Variants in ZFAT observed in about 807,000 individuals in gnomAD.
The protein encoded by ZFAT is zinc finger and AT-hook domain containing, also known as zinc finger protein ZFAT.
A neutral mutation model predicts 117.7 loss-of-function variants in ZFAT; 64 were observed. The observed-to-expected ratio is 0.54, with a 90% CI of 0.44 to 0.67. The LOEUF is 0.67. Among genes scored for constraint, ZFAT ranks in the 30% least tolerant of loss-of-function variants. The probability of loss-of-function intolerance (pLI) is 0.00; values close to 1 mark genes in which losing one functional copy is unlikely to be tolerated. For missense variants in ZFAT, 1,433 were observed against 1,584.5 expected (o/e 0.90, Z 1.62); for synonymous variants, 679 against 615.0 (o/e 1.10, Z -1.54).
Position 134,712,829 on chromosome 8 carries a change from C to A in ZFAT, c.19+16G>T. ...CACCCCCACCCCGTCTCACCCCAAC[C>A]CCCAGCCCGGCTCACCTGCCGCCCG... On this transcript the variant is annotated intron_variant, in intron 1 of 15. Coordinates refer to ENST00000377838, the MANE Select transcript of ZFAT (RefSeq NM_020863.4). The A allele has an allele frequency of 6.7e-7, 1 of 1,503,470 alleles. No individual in the cohort carries two copies. The highest frequency in any genetic ancestry group is 1.5e-5 in the African/African-American group (1 of 68,912). The allele number at this position is 1,503,470 out of a possible 1,614,324, so 93.1% of individuals were successfully genotyped here. A position where few individuals can be genotyped will look rare whatever the true frequency, so the allele number is the denominator to read the frequency against.
At chr8:134,781,002 T>C in the ZFAT span, among the ~76,000 whole-genome samples, 2 of 152,234 alleles carry the variant, frequency 1.3e-5, no homozygotes, top group Admixed American at 1.3e-4. Context: ...CATAGTATTT[T>C]ATCATTTTTA....
intron 15 of ZFAT, among the ~76,000 whole-genome samples, chr8:134,480,446 C>A (rs1563755098): frequency 6.6e-6 from 1 of 152,244 alleles, no homozygotes; most frequent in South Asian, 2.1e-4. Context: ...GAATGCCTGG[C>A]ACACAGCATG....
the ZFAT span, among the ~76,000 whole-genome samples, chr8:134,804,488 A>T: frequency 6.6e-6 from 1 of 152,288 alleles, no homozygotes; most frequent in East Asian, 1.9e-4. Context: ...GCTGGGTGGT[A>T]GTGATGAAAT....
At chr8:134,659,355 C>T (rs139950611) in intron 1 of ZFAT, among the ~76,000 whole-genome samples, 38 of 152,238 alleles carry the variant, frequency 2.5e-4, no homozygotes, top group African/African-American at 7.5e-4. Context: ...ACAAGGTGTG[C>T]GGGTGAGAGC....
In ZFAT at chr8:134,478,616, CGGA is replaced by C; in HGVS notation, c.3595_3597del (p.Ser1199del). The C allele has an allele frequency of 6.3e-7, 1 of 1,586,850 alleles. No homozygotes were observed. Among genetic ancestry groups the C allele is most frequent in the Non-Finnish European group, 8.6e-7 (1 of 1,167,044 alleles). The stretch of plus-strand genomic sequence containing the variant: ...ACCGTCTCAATGCCCTCCACGTCGT[CGGA>C]GGACACCACCAGGTGGTGCTGCTCG... On this transcript the variant is annotated inframe_deletion, in exon 16 of 16. Transcript: ENST00000377838. This position sits in a 1 kb window ranked among gnomAD's most constrained non-coding sequence, Gnocchi z 5.2.
rs200967006 is a variant in ZFAT at position 134,610,584 on chromosome 8, G to A, written c.520C>T (p.Arg174Trp). The A allele has an allele frequency of 2.7e-5, 44 of 1,614,030 alleles. No homozygotes were observed. The highest frequency in any genetic ancestry group is 6.7e-5 in the Admixed American group (4 of 59,996). ...TGGACTTTCTCTGTTTTCTGTGACC[G>A]TGGTCTTTTCGAGGCTTTTTCCCGA... is the stretch of plus-strand genomic sequence containing the variant. ...DDREKASKRPRSQKTEKVQKI... is the reference protein window; with the variant it reads ...DDREKASKRPWSQKTEKVQKI... The change falls in exon 4 of 16, where the codon CGG (arginine) becomes TGG (tryptophan). Residue 174 changes from arginine (R) to tryptophan (W), a missense_variant. Physicochemically the swap from Arg to Trp is moderately radical, Grantham distance 101. This residue lies in a region of ZFAT where 436 missense variants were observed against 482.0 expected (regional missense o/e 0.90). Coordinates refer to ENST00000377838, the MANE Select transcript of ZFAT (RefSeq NM_020863.4).
intron 13 of ZFAT, among the ~76,000 whole-genome samples, chr8:134,520,617 A>T (rs1030517032): frequency 6.6e-6 from 1 of 152,210 alleles, no homozygotes; most frequent in Non-Finnish European, 1.5e-5. Flanking sequence ...TGTGAATAAC[A>T]TAAGTAAAAG....
chr8:134,509,758 G>A lies in ZFAT; in HGVS notation c.3362-9C>T. The A allele has an allele frequency of 1.3e-6, 2 of 1,591,770 alleles. No individual in the cohort carries two copies. The highest frequency in any genetic ancestry group is 1.4e-5 in the African/African-American group (1 of 73,550). ...GGGGTCCAGTCGGTCGCCTTAAGAG[G>A]AAGAAGCAAAGAGGACACCATTCAG... On this transcript the variant is annotated splice_polypyrimidine_tract_variant and intron_variant, in intron 14 of 15. Transcript: ENST00000377838.
At chr8:134,799,278 G>A in the ZFAT span, among the ~76,000 whole-genome samples, 4 of 152,084 alleles carry the variant, frequency 2.6e-5, no homozygotes, top group African/African-American at 9.7e-5. Context: ...TCTGGATTTA[G>A]GCACAGGCAA....
intron 15 of ZFAT, among the ~76,000 whole-genome samples, chr8:134,487,034 G>C (rs890076739): frequency 6.6e-6 from 1 of 152,156 alleles, no homozygotes; most frequent in Non-Finnish European, 1.5e-5. Flanking sequence ...CCATATATTT[G>C]CATATGTCTA....
intron 2 of ZFAT, among the ~76,000 whole-genome samples, chr8:134,643,856 C>A (rs150445083): frequency 3.3e-4 from 51 of 152,300 alleles, no homozygotes; most frequent in African/African-American, 1.2e-3. Context: ...CATGAAAGCT[C>A]CAGGAATGGA....
rs530356316 is a variant in ZFAT at position 134,687,103 on chromosome 8, C to T, written c.19+25742G>A. 4.0e-4 allele frequency among the ~76,000 whole-genome samples: 61 copies of T among 152,308 alleles called. 1 individual carries two copies. The highest frequency in any genetic ancestry group is 3.4e-3 in the Middle Eastern group (1 of 294). ...ACCAACCCTCCTGCCTCCTGCTGCT[C>T]CCCTGCCCATAAATCATCTCCAAGG... On this transcript the variant is annotated intron_variant, in intron 1 of 15. Coordinates refer to ENST00000377838, the MANE Select transcript of ZFAT (RefSeq NM_020863.4).
chr8:134,755,843 GAAA>G, the ZFAT span, among the ~76,000 whole-genome samples: 9 of 135,766 alleles, frequency 6.6e-5, no homozygotes, highest in South Asian at 1.7e-3. Context: ...AAAAGAAAAA[GAAA>G]AAAAAAAGAT....
chr8:134,627,441 C>A (rs1367288296), intron 3 of ZFAT, among the ~76,000 whole-genome samples: 1 of 152,088 alleles, frequency 6.6e-6, no homozygotes, highest in African/African-American at 2.4e-5. Context: ...CATACATAAC[C>A]CTTAAGTACC....
chr8:134,506,693 G>A (rs1004263698), intron 15 of ZFAT, among the ~76,000 whole-genome samples: 1 of 152,158 alleles, frequency 6.6e-6, no homozygotes, highest in African/African-American at 2.4e-5. Context: ...ACATTAACAA[G>A]TCATGAAAAA....
intron 1 of ZFAT, among the ~76,000 whole-genome samples, chr8:134,665,134 C>T (rs1320410068): frequency 6.6e-6 from 1 of 152,212 alleles, no homozygotes; most frequent in Non-Finnish European, 1.5e-5. Context: ...TGTTTTGACC[C>T]AACTCCTTCC....
the ZFAT span, among the ~76,000 whole-genome samples, chr8:134,729,912 C>G: frequency 6.6e-6 from 1 of 152,142 alleles, no homozygotes; most frequent in Non-Finnish European, 1.5e-5. Context: ...TTTTCTTTTG[C>G]AATATTCAAA....
chr8:134,668,242 A>T (rs181007032), intron 1 of ZFAT, among the ~76,000 whole-genome samples: 1 of 152,382 alleles, frequency 6.6e-6, no homozygotes, highest in Admixed American at 6.5e-5. Context: ...TCCCTGTCTG[A>T]CAGCTTTGAA....
At chr8:134,554,717 T>C (rs1162029032) in intron 11 of ZFAT, among the ~76,000 whole-genome samples, 1 of 152,140 alleles carries the variant, frequency 6.6e-6, no homozygotes, top group African/African-American at 2.4e-5. Flanking sequence ...CTCTGCAGCA[T>C]CCTGAAACGC....
Sources: gnomAD v4.1 joint callset for allele counts (sites outside exome capture counted in the v4.1 genomes callset) on GRCh38, gnomAD v4.1.1 for gene constraint, gnomAD v4.1.1 regional missense constraint, Gnocchi (gnomAD v3.1) non-coding constraint, MANE v1.5 for transcripts, NCBI Gene and HGNC (gene_info 2026-07-23, HGNC 2026-07-21) for gene names.